PSD3: variants seen among roughly 807,000 people sequenced by gnomAD.
The protein encoded by PSD3 is pleckstrin and Sec7 domain containing 3.
Under a neutral mutation model 105.5 loss-of-function variants are expected in PSD3, and 49 were observed. That is an observed-to-expected ratio of 0.46 (90% CI 0.37 to 0.59). The LOEUF is 0.59. PSD3 is among the 20% of genes least tolerant of loss of function. PSD3 has a pLI of 0.00. For synonymous variants in PSD3, 557 were observed against 457.8 expected (o/e 1.22, Z -2.77); for missense variants, 1,561 against 1,263.8 (o/e 1.24, Z -3.57).
At chr8:18,940,848 G>A (rs1049419765) in intron 1 of PSD3, among the ~76,000 whole-genome samples, 6 of 152,204 alleles carry the variant, frequency 3.9e-5, no homozygotes, top group East Asian at 3.9e-4. Flanking sequence ...CAAAAACCAC[G>A]CTTCTGTCTG....
At chr8:19,046,159 C>G (rs1828310283) in intron 1 of PSD3, among the ~76,000 whole-genome samples, 2 of 152,076 alleles carry the variant, frequency 1.3e-5, no homozygotes, top group South Asian at 4.1e-4. Flanking sequence ...TTGCCCAGGC[C>G]AGAGTGCTGT....
At position 18,612,716 on chromosome 8, in the gene PSD3, C is replaced by T. The variant is rs139603044; in HGVS notation, c.2411-12282G>A. Among the ~76,000 whole-genome samples the T allele has an allele frequency of 6.3e-3, 964 of 152,306 alleles. 10 individuals carry two copies. Among genetic ancestry groups the T allele is most frequent in the African/African-American group, 0.022 (918 of 41,570 alleles). ...AACACTTAGCACATACCACCCTTAA[C>T]TGGGAAGAGAGCTAAGTGTGACACA... On this transcript the variant is annotated intron_variant, in intron 11 of 15. Coordinates refer to ENST00000327040, the MANE Select transcript of PSD3 (RefSeq NM_015310.4).
In PSD3 at chr8:18,617,318, G is replaced by T. The variant is rs150027725; in HGVS notation, c.2410+15295C>A. ...GGCTGAGGTGGGTGAATCACCTGAG[G>T]TAAGGGGTTCGAGACCAACCTGACC... is the stretch of plus-strand genomic sequence containing the variant. On this transcript the variant is annotated intron_variant, in intron 11 of 15. Coordinates refer to ENST00000327040, the MANE Select transcript of PSD3 (RefSeq NM_015310.4). Among the ~76,000 whole-genome samples, 1,473 of 152,196 alleles carry T rather than the reference G, an allele frequency of 9.7e-3. 20 individuals are homozygous for T. The highest frequency in any genetic ancestry group is 0.033 in the African/African-American group (1,355 of 41,510).
chr8:18,847,024 A>G (rs1051196001), intron 4 of PSD3, among the ~76,000 whole-genome samples: 1 of 152,256 alleles, frequency 6.6e-6, no homozygotes. Flanking sequence ...TGTGCCTACA[A>G]TACCCATGTC....
At chr8:18,545,792 G>A (rs1800419728) in intron 15 of PSD3, among the ~76,000 whole-genome samples, 2 of 152,130 alleles carry the variant, frequency 1.3e-5, no homozygotes, top group South Asian at 4.1e-4. Context: ...CATTCCCAGA[G>A]TTCTCCATGT....
chr8:18,721,770 A>G (rs1585727662), intron 9 of PSD3, among the ~76,000 whole-genome samples: 1 of 152,176 alleles, frequency 6.6e-6, no homozygotes, highest in African/African-American at 2.4e-5. Flanking sequence ...GACTGATCAC[A>G]CTTCTTTACC....
intron 1 of PSD3, among the ~76,000 whole-genome samples, chr8:18,999,747 C>A (rs1826275614): frequency 6.6e-6 from 1 of 151,446 alleles, no homozygotes; most frequent in East Asian, 1.9e-4. Flanking sequence ...ACTACACCAC[C>A]CAAGTTTTTT....
intron 9 of PSD3, among the ~76,000 whole-genome samples, chr8:18,694,537 G>A (rs182088166): frequency 7.2e-5 from 11 of 151,992 alleles, no homozygotes; most frequent in East Asian, 1.9e-4. Context: ...GTGAACCCGG[G>A]AGGCAGAGCT....
At chr8:18,876,751 A>T (rs1817759069) in intron 2 of PSD3, among the ~76,000 whole-genome samples, 1 of 152,166 alleles carries the variant, frequency 6.6e-6, no homozygotes, top group Non-Finnish European at 1.5e-5. Context: ...AAATTTCTGG[A>T]TCATATAGTA....
intron 10 of PSD3, among the ~76,000 whole-genome samples, chr8:18,642,770 T>G (rs1563413069): frequency 6.6e-6 from 1 of 152,218 alleles, no homozygotes; most frequent in African/African-American, 2.4e-5. Context: ...CCCTTAAAAT[T>G]TCTAAGTATC....
At chr8:18,560,935 A>C (rs2130196596) in intron 14 of PSD3, among the ~76,000 whole-genome samples, 1 of 152,300 alleles carries the variant, frequency 6.6e-6, no homozygotes, top group African/African-American at 2.4e-5. Context: ...GGAGTGATAT[A>C]GGTTAGACCC....
intron 1 of PSD3, among the ~76,000 whole-genome samples, chr8:18,995,815 A>T (rs1225113828): frequency 1.3e-5 from 2 of 151,878 alleles, no homozygotes; most frequent in Non-Finnish European, 2.9e-5. Flanking sequence ...CCATCAATAG[A>T]AACAGCAGGG....
chr8:18,758,782 T>A (rs1806269050), intron 9 of PSD3, among the ~76,000 whole-genome samples: 1 of 152,172 alleles, frequency 6.6e-6, no homozygotes, highest in Admixed American at 6.5e-5. Flanking sequence ...ATGAGAAAAT[T>A]ATGTTTAAAA....
intron 1 of PSD3, among the ~76,000 whole-genome samples, chr8:18,984,347 A>G (rs1444828034): frequency 1.3e-5 from 2 of 152,138 alleles, no homozygotes; most frequent in Non-Finnish European, 2.9e-5. Flanking sequence ...AGGTATTCAT[A>G]CATTAAAATG....
chr8:18,605,187 C>T (rs1343824861), intron 11 of PSD3, among the ~76,000 whole-genome samples: 1 of 152,174 alleles, frequency 6.6e-6, no homozygotes, highest in African/African-American at 2.4e-5. Flanking sequence ...CAATGCCATC[C>T]CATGAGCGCA....
Position 18,656,819 on chromosome 8 carries a change from A to C in PSD3, c.2173-1134T>G, listed in dbSNP as rs530829898. Among the ~76,000 whole-genome samples, 13 of 152,312 alleles carry C rather than the reference A, an allele frequency of 8.5e-5. No homozygotes were observed. In the East Asian group the frequency reaches 2.5e-3, roughly 29 times the overall value. ...ACAACAGCCTCAAACTCCAGGGCTC[A>C]AGTGATTCTCCTGCCTCAGCTTCCT... On this transcript the variant is annotated intron_variant, in intron 9 of 15. Coordinates refer to ENST00000327040, the MANE Select transcript of PSD3 (RefSeq NM_015310.4).
At chr8:18,672,384 A>G (rs1309398029) in intron 9 of PSD3, among the ~76,000 whole-genome samples, 1 of 152,182 alleles carries the variant, frequency 6.6e-6, no homozygotes, top group Admixed American at 6.5e-5. Context: ...ACATTTAGAG[A>G]GAATGCCAGG....
At chr8:18,946,804 T>C (rs112182783) in intron 1 of PSD3, among the ~76,000 whole-genome samples, 291 of 147,784 alleles carry the variant, frequency 2.0e-3, no homozygotes, top group African/African-American at 6.7e-3. Context: ...ACTTGGGAGG[T>C]TGGGACAGGA....
intron 1 of PSD3, among the ~76,000 whole-genome samples, chr8:19,009,181 T>C (rs79621695): frequency 6.6e-6 from 1 of 152,232 alleles, no homozygotes; most frequent in Non-Finnish European, 1.5e-5. Context: ...TTTCTATCTC[T>C]TGAGCCAAAC....
Sources: gnomAD v4.1 joint callset for allele counts (sites outside exome capture counted in the v4.1 genomes callset) on GRCh38, gnomAD v4.1.1 for gene constraint, MANE v1.5 for transcripts, NCBI Gene and HGNC (gene_info 2026-07-23, HGNC 2026-07-21) for gene names.